ACOX3: variants seen among roughly 807,000 people sequenced by gnomAD.
The protein encoded by ACOX3 is peroxisomal acyl-coenzyme A oxidase 3.
ACOX3 carries 73 observed loss-of-function variants against 81.5 expected under a neutral mutation model. The observed-to-expected ratio is 0.90, with a 90% CI of 0.74 to 1.09. ACOX3 has a LOEUF of 1.09. Among genes scored for constraint, ACOX3 ranks in the 50% least tolerant of loss-of-function variants. The pLI, the probability that ACOX3 is intolerant of heterozygous loss-of-function variation, is 0.00. For synonymous variants in ACOX3, 387 were observed against 375.1 expected (o/e 1.03, Z -0.37); for missense variants, 947 against 928.0 (o/e 1.02, Z -0.27).
Position 8,394,594 on chromosome 4 carries a change from T to C in ACOX3, c.1179+26A>G. The C allele has an allele frequency of 6.2e-7, 1 of 1,610,646 alleles. No homozygotes were observed. Among genetic ancestry groups the C allele is most frequent in the Non-Finnish European group, 8.5e-7 (1 of 1,178,150 alleles). ...CAACCGTGTGAGATTTAAACGATGC[T>C]GCTGAGGAAGCAGACACCACCTCAC... On this transcript the variant is annotated intron_variant, in intron 10 of 17. Transcript: ENST00000356406. The surrounding 1 kb of genome is among the most constrained non-coding windows in gnomAD (Gnocchi z 5.9).
At chr4:8,421,171 T>C (rs185881466) in intron 1 of ACOX3, among the ~76,000 whole-genome samples, 6 of 152,334 alleles carry the variant, frequency 3.9e-5, no homozygotes, top group South Asian at 2.1e-4. Context: ...GTGAGTAATA[T>C]TGAACCACTT....
At chr4:8,376,396 C>A (rs900072122) in intron 14 of ACOX3, among the ~76,000 whole-genome samples, 1 of 151,570 alleles carries the variant, frequency 6.6e-6, no homozygotes, top group Non-Finnish European at 1.5e-5. Flanking sequence ...GTATGGGGGA[C>A]TGACTGCTGC....
In ACOX3 at chr4:8,437,868, G is replaced by C. The variant is rs542501605; in HGVS notation, c.-15+2780C>G. On this transcript the variant is annotated intron_variant, in intron 1 of 17. Coordinates refer to ENST00000356406, the MANE Select transcript of ACOX3 (RefSeq NM_003501.3). The surrounding 1 kb of genome is among the most constrained non-coding windows in gnomAD (Gnocchi z 5.2). ...AGGAGCTAAAGAATGTAAAGACTAG[G>C]GCAGACTAGGCACCTTCTTATTAGG... 6.7e-3 allele frequency among the ~76,000 whole-genome samples: 1,021 copies of C among 152,308 alleles called. 9 individuals are homozygous for C. The highest frequency in any genetic ancestry group is 0.01 in the Non-Finnish European group (697 of 68,030).
chr4:8,389,297 C>G lies in ACOX3; in HGVS notation c.1424-11G>C, dbSNP rs1244044170. The G allele has an allele frequency of 3.7e-6, 6 of 1,608,040 alleles. No homozygotes were observed. Among genetic ancestry groups the G allele is most frequent in the Non-Finnish European group, 5.1e-6 (6 of 1,176,454 alleles). Reference sequence around the variant, plus strand: ...GGAAGCAAGCTCCATCTAGGACACACATTCCAGTGACTTTGGTGGAAGACA... The same window carrying G: ...GGAAGCAAGCTCCATCTAGGACACAGATTCCAGTGACTTTGGTGGAAGACA... On this transcript the variant is annotated splice_polypyrimidine_tract_variant and intron_variant, in intron 12 of 17. Coordinates refer to ENST00000356406, the MANE Select transcript of ACOX3 (RefSeq NM_003501.3). The surrounding 1 kb of genome is among the most constrained non-coding windows in gnomAD (Gnocchi z 5.3).
intron 14 of ACOX3, among the ~76,000 whole-genome samples, chr4:8,379,360 C>G (rs1717356825): frequency 6.6e-6 from 1 of 152,294 alleles, no homozygotes; most frequent in African/African-American, 2.4e-5. Context: ...AGCTCCGCGA[C>G]CCGGGGCAGG....
At chr4:8,387,573 C>T (rs12512044) in intron 13 of ACOX3, among the ~76,000 whole-genome samples, 2,375 of 152,304 alleles carry the variant, frequency 0.016, 31 homozygotes, top group South Asian at 0.035. Flanking sequence ...GGCGTTGCTG[C>T]GGCTTTGAGC....
intron 11 of ACOX3, among the ~76,000 whole-genome samples, chr4:8,391,226 T>C (rs988870567): frequency 6.6e-6 from 1 of 152,240 alleles, no homozygotes; most frequent in Non-Finnish European, 1.5e-5. Context: ...GTAACTTGTG[T>C]ACAGCCATGG....
In ACOX3 at chr4:8,366,726, T is replaced by C. The variant is rs1436017466; in HGVS notation, c.*235A>G. On this transcript the variant is annotated 3_prime_UTR_variant, in exon 18 of 18. Transcript: ENST00000356406. Reference sequence around the variant, plus strand: ...CCCACGGCGCATCAGGTAGACATGATCATCTGCATTTCTTTTCCACGCTGC... The same window carrying C: ...CCCACGGCGCATCAGGTAGACATGACCATCTGCATTTCTTTTCCACGCTGC... 1.9e-5 allele frequency: 8 copies of C among 428,574 alleles called. No individual in the cohort carries two copies. Among genetic ancestry groups the C allele is most frequent in the Non-Finnish European group, 2.5e-5 (6 of 237,036 alleles). 26.5% of individuals were successfully genotyped at this position (428,574 alleles called of 1,614,324 possible). A position where few individuals can be genotyped will look rare whatever the true frequency, so the allele number is the denominator to read the frequency against.
At position 8,400,227 on chromosome 4, in the gene ACOX3, G is replaced by C. The variant is rs371206756; in HGVS notation, c.777-575C>G. Among the ~76,000 whole-genome samples the C allele has an allele frequency of 2.9e-4, 43 of 149,472 alleles. No homozygotes were observed. The East Asian group carries it at 6.3e-3, about 22-fold the overall frequency. On this transcript the variant is annotated intron_variant, in intron 7 of 17. Transcript: ENST00000356406. The surrounding 1 kb of genome is among the most constrained non-coding windows in gnomAD (Gnocchi z 4.4). The stretch of plus-strand genomic sequence containing the variant: ...GATCACGCCACTGCACTCCAGCCTT[G>C]GTGACAGAGCAAGACTCCACCTCAA...
At chr4:8,376,960 G>T (rs974471395) in intron 14 of ACOX3, among the ~76,000 whole-genome samples, 4 of 152,076 alleles carry the variant, frequency 2.6e-5, no homozygotes, top group Admixed American at 1.3e-4. Flanking sequence ...GATAATACAG[G>T]CCTGTGGGGG....
At position 8,370,113 on chromosome 4, in the gene ACOX3, A is replaced by C. The variant is rs2108783202; in HGVS notation, c.1983+795T>G. On this transcript the variant is annotated intron_variant, in intron 17 of 17. Transcript: ENST00000356406. This position sits in a 1 kb window ranked among gnomAD's most constrained non-coding sequence, Gnocchi z 6.3. ...CTGGAGGCCAGAGAAGGCCTCTCCA[A>C]GGCAGCAATAGTCAGCTTATACTGA... is the stretch of plus-strand genomic sequence containing the variant. 6.6e-6 allele frequency among the ~76,000 whole-genome samples: 1 copy of C among 152,336 alleles called. No homozygotes were observed. Among genetic ancestry groups the C allele is most frequent in the South Asian group, 2.1e-4 (1 of 4,830 alleles).
the ACOX3 span, chr4:8,356,635 AAGAAAGTGTGC>A: frequency 1.8e-5 from 8 of 455,890 alleles, no homozygotes; most frequent in South Asian, 6.2e-5. Flanking sequence ...AGGTGAGAGG[AAGAAAGTGTGC>A]AGAATGGGGA....
At chr4:8,410,385 A>G in intron 5 of ACOX3, 30 bp from the exon 6 acceptor site, 1 of 1,609,426 alleles carries the variant, frequency 6.2e-7, no homozygotes, top group Admixed American at 1.7e-5. Context: ...GGTTAGTTAT[A>G]ATTAGCAACT....
At chr4:8,398,047 G>A (rs938408631) in intron 8 of ACOX3, among the ~76,000 whole-genome samples, 1 of 152,204 alleles carries the variant, frequency 6.6e-6, no homozygotes, top group Admixed American at 6.5e-5. Flanking sequence ...TGTAGTCCCA[G>A]CTACTCAGGA....
At chr4:8,372,151 G>A (rs1560165523) in intron 16 of ACOX3, among the ~76,000 whole-genome samples, 2 of 152,218 alleles carry the variant, frequency 1.3e-5, no homozygotes, top group Admixed American at 1.3e-4. Flanking sequence ...AGGCTGGAGT[G>A]TGATGGTGCA....
At chr4:8,402,314 G>A (rs566443581) in intron 7 of ACOX3, among the ~76,000 whole-genome samples, 1 of 152,320 alleles carries the variant, frequency 6.6e-6, no homozygotes, top group Non-Finnish European at 1.5e-5. Flanking sequence ...GCAGCGGGGG[G>A]GCCAGCTCCT....
At chr4:8,363,838 A>G (rs1030401085), downstream of ACOX3, among the ~76,000 whole-genome samples, 2 of 152,148 alleles carry the variant, frequency 1.3e-5, no homozygotes, top group Non-Finnish European at 2.9e-5. Context: ...CACCAGCGCC[A>G]TGACAGTTTA....
At position 8,416,573 on chromosome 4, in the gene ACOX3, T is replaced by A; in HGVS notation, c.-14-38A>T. On this transcript the variant is annotated intron_variant, in intron 1 of 17. Coordinates refer to ENST00000356406, the MANE Select transcript of ACOX3 (RefSeq NM_003501.3). This position sits in a 1 kb window ranked among gnomAD's most constrained non-coding sequence, Gnocchi z 4.2. ...TGCAACCTGAATCCATGCTCTCCCATCTATGGGTTCAAACTACCCCCACCA... is the reference window on the plus strand; with the variant it reads ...TGCAACCTGAATCCATGCTCTCCCAACTATGGGTTCAAACTACCCCCACCA... The A allele has an allele frequency of 6.6e-7, 1 of 1,526,108 alleles. No individual in the cohort carries two copies. Among genetic ancestry groups the A allele is most frequent in the Non-Finnish European group, 8.8e-7 (1 of 1,137,802 alleles). 94.5% of individuals were successfully genotyped at this position (1,526,108 alleles called of 1,614,324 possible).
At chr4:8,378,952 T>C (rs1021137098) in intron 14 of ACOX3, among the ~76,000 whole-genome samples, 1 of 152,218 alleles carries the variant, frequency 6.6e-6, no homozygotes, top group African/African-American at 2.4e-5. Context: ...CCTGTGGAAG[T>C]GTGGCTTTGA....
Sources: allele counts gnomAD v4.1 joint callset (sites outside exome capture counted in the v4.1 genomes callset), GRCh38; gene constraint gnomAD v4.1.1; non-coding constraint Gnocchi (gnomAD v3.1); transcripts MANE v1.5; gene names NCBI Gene and HGNC (gene_info 2026-07-23, HGNC 2026-07-21).